Variants in SIM2 observed in about 807,000 individuals in gnomAD.
SIM2 encodes the protein SIM bHLH transcription factor 2.
Under a neutral mutation model 64.8 loss-of-function variants are expected in SIM2, and 28 were observed. That is an observed-to-expected ratio of 0.43 (90% CI 0.32 to 0.59). The LOEUF (loss-of-function observed/expected upper bound fraction) is 0.59, where lower values mean the gene tolerates loss of function less well. Ranked by LOEUF, SIM2 falls within the 20% of genes least tolerant of loss-of-function variation. The pLI is 0.07. For missense variants in SIM2, 847 were observed against 871.4 expected, an observed-to-expected ratio of 0.97 and a Z score of 0.35; for synonymous variants, 408 against 391.1, an observed-to-expected ratio of 1.04 and a Z score of -0.51.
chr21:36,711,324 A>G (rs2123432196), intron 2 of SIM2, among the ~76,000 whole-genome samples: 1 of 152,232 alleles, frequency 6.6e-6, no homozygotes, highest in East Asian at 1.9e-4. Flanking sequence ...GCTGTATAGT[A>G]TATATTTTTG....
chr21:36,735,368 G>C (rs574719163), intron 7 of SIM2, among the ~76,000 whole-genome samples: 157 of 152,336 alleles, frequency 1.0e-3, no homozygotes, highest in Non-Finnish European at 1.9e-3. Context: ...GATGTTCTCT[G>C]TTCTAACCTT....
intron 1 of SIM2, among the ~76,000 whole-genome samples, chr21:36,705,189 G>A (rs2088562632): frequency 1.3e-5 from 2 of 152,212 alleles, no homozygotes; most frequent in Non-Finnish European, 1.5e-5. Flanking sequence ...GGTCGGGGGT[G>A]GCGGAGCTGT....
intron 6 of SIM2, among the ~76,000 whole-genome samples, chr21:36,730,568 G>A (rs963894447): frequency 6.6e-6 from 1 of 152,236 alleles, no homozygotes; most frequent in African/African-American, 2.4e-5. Context: ...ACACAACACT[G>A]TGAGTGCACC....
intron 7 of SIM2, among the ~76,000 whole-genome samples, chr21:36,740,312 G>A (rs188330245): frequency 6.0e-4 from 92 of 152,166 alleles, no homozygotes; most frequent in African/African-American, 2.1e-3. Context: ...TGCCTATTCT[G>A]GAAGTTTCAT....
At chr21:36,709,031 G>T (rs549117832) in intron 1 of SIM2, 137 bp from the exon 2 acceptor site, 3 of 687,890 alleles carry the variant, frequency 4.4e-6, no homozygotes, top group Non-Finnish European at 7.2e-6. Context: ...CGGCTGCGGA[G>T]CCGGGGAGGC....
chr21:36,719,914 C>T lies in SIM2; in HGVS notation c.442C>T (p.His148Tyr). The T allele has an allele frequency of 6.2e-7, 1 of 1,606,152 alleles. No homozygotes were observed. The highest frequency in any genetic ancestry group is 1.3e-5 in the African/African-American group (1 of 74,720). ...AVLTAHQPLH[H>Y]HLLQEYEIER... is the part of the protein sequence containing the mutation. ...CCTCACGGCCCACCAGCCGCTGCACCACCACCTGCTCCAAGGTATTCCATC... is the reference window on the plus strand; with the variant it reads ...CCTCACGGCCCACCAGCCGCTGCACTACCACCTGCTCCAAGGTATTCCATC... The change falls in exon 4 of 11, where the codon CAC becomes TAC. Residue 148 changes from histidine to tyrosine, a missense_variant. Around this residue, in one of 3 missense-constraint regions of SIM2, gnomAD observed 397 missense variants for 439.2 expected, o/e 0.90. Transcript: ENST00000290399.
At chr21:36,737,039 G>A (rs1280478775) in intron 7 of SIM2, among the ~76,000 whole-genome samples, 2 of 152,038 alleles carry the variant, frequency 1.3e-5, no homozygotes, top group Non-Finnish European at 2.9e-5. Context: ...TGATCCTCCT[G>A]CCTCAGCCTC....
chr21:36,722,288 G>GGGT (rs1357782937), intron 4 of SIM2, among the ~76,000 whole-genome samples: 1 of 152,174 alleles, frequency 6.6e-6, no homozygotes, highest in Non-Finnish European at 1.5e-5. Flanking sequence ...CTGGGGCAGG[G>GGGT]GGTGCCCTCT....
intron 1 of SIM2, among the ~76,000 whole-genome samples, chr21:36,707,677 C>T (rs1466444167): frequency 6.6e-6 from 1 of 151,920 alleles, no homozygotes; most frequent in East Asian, 1.9e-4. Context: ...GCATTTTACG[C>T]TTCCAGAGGT....
intron 2 of SIM2, chr21:36,709,453 T>C: frequency 1.5e-6 from 1 of 687,750 alleles, no homozygotes. Context: ...ACCCTAACCC[T>C]ACGTCTGCCC....
In SIM2 at chr21:36,745,558, ATGCCAGTTTTGGAAG is replaced by A. The variant is rs376742731; in HGVS notation, c.1576+425_1576+439del. 1,185 of 1,114,776 alleles carry A rather than the reference ATGCCAGTTTTGGAAG, an allele frequency of 1.1e-3. 7 individuals are homozygous for A. The African/African-American group carries it at 0.018, about 17-fold the overall frequency. 69.1% of individuals were successfully genotyped at this position (1,114,776 alleles called of 1,614,324 possible). A position where few individuals can be genotyped will look rare whatever the true frequency, so the allele number is the denominator to read the frequency against. ...CAAACGGCCTATTGGCTATTTTCCC[ATGCCAGTTTTGGAAG>A]TGGGGAAAACTATGGTGGAAATTTG... On this transcript the variant is annotated intron_variant, in intron 10 of 10. Transcript: ENST00000290399. The surrounding 1 kb of genome is among the most constrained non-coding windows in gnomAD (Gnocchi z 4.8).
intron 10 of SIM2, among the ~76,000 whole-genome samples, chr21:36,746,727 T>C (rs1199371630): frequency 6.6e-6 from 1 of 152,122 alleles, no homozygotes; most frequent in African/African-American, 2.4e-5. Flanking sequence ...GGGCCCCTCA[T>C]ATAACCAAGG....
intron 3 of SIM2, among the ~76,000 whole-genome samples, chr21:36,716,398 A>G (rs975431503): frequency 6.6e-6 from 1 of 152,172 alleles, no homozygotes; most frequent in African/African-American, 2.4e-5. Context: ...TATGAGACAC[A>G]TAAAAGAATG....
At chr21:36,724,062 G>A (rs2088858885) in intron 5 of SIM2, among the ~76,000 whole-genome samples, 2 of 152,240 alleles carry the variant, frequency 1.3e-5, no homozygotes, top group Non-Finnish European at 2.9e-5. Context: ...GGAGGAGGAT[G>A]GGGTGAGAGG....
At chr21:36,715,841 A>C (rs1467021216) in intron 3 of SIM2, among the ~76,000 whole-genome samples, 1 of 152,228 alleles carries the variant, frequency 6.6e-6, no homozygotes, top group African/African-American at 2.4e-5. Flanking sequence ...CAAGTCTTTT[A>C]TTAAGCCTTA....
chr21:36,738,930 G>A (rs977096852), intron 7 of SIM2, among the ~76,000 whole-genome samples: 2 of 152,182 alleles, frequency 1.3e-5, no homozygotes, highest in South Asian at 4.1e-4. Context: ...CTCTCCAGCC[G>A]GTGGCATGCT....
At chr21:36,701,882 A>G (rs958438497) in intron 1 of SIM2, among the ~76,000 whole-genome samples, 2 of 152,232 alleles carry the variant, frequency 1.3e-5, no homozygotes, top group Non-Finnish European at 2.9e-5. Flanking sequence ...TGGAATCCGG[A>G]CGAGAGGGCA....
intron 4 of SIM2, chr21:36,720,337 G>A (rs1349641556): frequency 5.9e-6 from 1 of 169,372 alleles, no homozygotes; most frequent in Non-Finnish European, 1.3e-5. Flanking sequence ...AATTACATAT[G>A]TGTTTCCTCC....
chr21:36,719,059 G>A (rs75108493), intron 3 of SIM2, among the ~76,000 whole-genome samples: 5,543 of 152,302 alleles, frequency 0.036, 114 homozygotes, highest in South Asian at 0.08. Flanking sequence ...AATAGGTAGC[G>A]TCGGACTGTT....
Sources: allele counts gnomAD v4.1 joint callset (sites outside exome capture counted in the v4.1 genomes callset), GRCh38; gene constraint gnomAD v4.1.1; regional missense constraint gnomAD v4.1.1; non-coding constraint Gnocchi (gnomAD v3.1); transcripts MANE v1.5; gene names NCBI Gene and HGNC (gene_info 2026-07-23, HGNC 2026-07-21).